The following GLIS3 variants were observed in gnomAD, a reference collection of about 807,000 sequenced individuals.
The protein encoded by GLIS3 is zinc finger protein GLIS3.
A neutral mutation model predicts 78.6 loss-of-function variants in GLIS3; 53 were observed. The ratio of observed to expected loss-of-function variants is 0.67; its 90% CI spans 0.54 to 0.85. The LOEUF (loss-of-function observed/expected upper bound fraction) is 0.85, where lower values mean the gene tolerates loss of function less well. GLIS3 is among the 40% of genes least tolerant of loss of function. The pLI, the probability that GLIS3 is intolerant of heterozygous loss-of-function variation, is 0.00. For missense variants in GLIS3, 1,703 were observed against 1,231.1 expected (o/e 1.38, Z -5.74); for synonymous variants, 684 against 509.9 (o/e 1.34, Z -4.60).
intron 2 of GLIS3, among the ~76,000 whole-genome samples, chr9:4,203,699 G>C (rs1471540331): frequency 6.6e-6 from 1 of 152,146 alleles, no homozygotes; most frequent in South Asian, 2.1e-4. Context: ...GACATGGAAT[G>C]AACCTAGGTG....
At chr9:4,465,501 ATCATGCCATTGCAC>A in the GLIS3 span, among the ~76,000 whole-genome samples, 753 of 152,356 alleles carry the variant, frequency 4.9e-3, 3 homozygotes, top group Middle Eastern at 0.024. Context: ...GTGAGCCAAG[ATCATGCCATTGCAC>A]TCCGGCCTGG....
At chr9:3,862,381 G>A (rs1387272419) in intron 8 of GLIS3, among the ~76,000 whole-genome samples, 2 of 152,150 alleles carry the variant, frequency 1.3e-5, no homozygotes, top group Non-Finnish European at 2.9e-5. Context: ...GTGTGCTTTG[G>A]TGAACTTGCT....
chr9:3,851,912 G>A (rs1819457847), intron 9 of GLIS3, among the ~76,000 whole-genome samples: 1 of 152,182 alleles, frequency 6.6e-6, no homozygotes, highest in Non-Finnish European at 1.5e-5. Flanking sequence ...GGAGGCCAAG[G>A]TGGGCAGATT....
At chr9:4,275,153 T>C (rs1280934975) in intron 2 of GLIS3, among the ~76,000 whole-genome samples, 1 of 152,162 alleles carries the variant, frequency 6.6e-6, no homozygotes, top group Non-Finnish European at 1.5e-5. Context: ...CTTATGCATA[T>C]ACCGATGTCA....
chr9:4,159,265 G>A (rs1334954303), intron 2 of GLIS3, among the ~76,000 whole-genome samples: 1 of 152,144 alleles, frequency 6.6e-6, no homozygotes, highest in Non-Finnish European at 1.5e-5. Flanking sequence ...GGTCATATGT[G>A]AAACACTGGA....
At chr9:4,157,195 G>A (rs1394243434) in intron 2 of GLIS3, among the ~76,000 whole-genome samples, 1 of 152,190 alleles carries the variant, frequency 6.6e-6, no homozygotes, top group Non-Finnish European at 1.5e-5. Flanking sequence ...GTAGAGGTAG[G>A]TGCCTGTGGC....
At chr9:4,232,833 C>G (rs1379272525) in intron 2 of GLIS3, among the ~76,000 whole-genome samples, 1 of 152,106 alleles carries the variant, frequency 6.6e-6, no homozygotes, top group East Asian at 1.9e-4. Flanking sequence ...TAATTGGCAC[C>G]AAGATCTAAA....
chr9:4,355,929 A>G, the GLIS3 span, among the ~76,000 whole-genome samples: 1 of 152,236 alleles, frequency 6.6e-6, no homozygotes, highest in Non-Finnish European at 1.5e-5. Flanking sequence ...TGCGTTTGGT[A>G]TGGTTACATA....
intron 2 of GLIS3, among the ~76,000 whole-genome samples, chr9:4,342,563 G>C (rs569768979): frequency 5.0e-4 from 76 of 152,292 alleles, no homozygotes; most frequent in African/African-American, 1.7e-3. Flanking sequence ...GCTTAGAATT[G>C]CTGTGGCTAT....
chr9:4,218,380 G>T (rs899778575), intron 2 of GLIS3, among the ~76,000 whole-genome samples: 3 of 152,184 alleles, frequency 2.0e-5, no homozygotes, highest in East Asian at 1.9e-4. Flanking sequence ...CCGGGTTCAC[G>T]CCATTCTCCT....
the GLIS3 span, among the ~76,000 whole-genome samples, chr9:4,447,232 G>C: frequency 1.3e-4 from 20 of 151,812 alleles, no homozygotes; most frequent in Admixed American, 3.9e-4. Flanking sequence ...ATTTTTTATA[G>C]AGACAGGGTC....
chr9:4,076,708 CT>C (rs1227171267), intron 4 of GLIS3, among the ~76,000 whole-genome samples: 1 of 152,136 alleles, frequency 6.6e-6, no homozygotes, highest in East Asian at 1.9e-4. Flanking sequence ...TGTGATGCCA[CT>C]TCATAGCCTG....
At chr9:4,031,638 CA>C (rs1823842163) in intron 4 of GLIS3, among the ~76,000 whole-genome samples, 1 of 152,152 alleles carries the variant, frequency 6.6e-6, no homozygotes, top group Admixed American at 6.6e-5. Context: ...TTATGCCATG[CA>C]CATTTCACTT....
intron 4 of GLIS3, among the ~76,000 whole-genome samples, chr9:3,958,936 A>G (rs984132194): frequency 2.0e-5 from 3 of 152,226 alleles, no homozygotes; most frequent in Non-Finnish European, 4.4e-5. Context: ...CTGGTTAACT[A>G]TGAGGTGAGA....
At chr9:4,077,282 G>A (rs1828158549) in intron 4 of GLIS3, among the ~76,000 whole-genome samples, 1 of 152,142 alleles carries the variant, frequency 6.6e-6, no homozygotes, top group African/African-American at 2.4e-5. Flanking sequence ...TGTTAATACA[G>A]AAAGTATGCA....
chr9:3,881,211 T>C (rs1821708759), intron 7 of GLIS3, among the ~76,000 whole-genome samples: 2 of 152,200 alleles, frequency 1.3e-5, no homozygotes, highest in Middle Eastern at 3.2e-3. Context: ...TGGTGTTTTA[T>C]ATACTATTCC....
intron 2 of GLIS3, among the ~76,000 whole-genome samples, chr9:4,132,373 T>G (rs1047425075): frequency 6.6e-6 from 1 of 152,196 alleles, no homozygotes; most frequent in East Asian, 1.9e-4. Context: ...TTAATTAATG[T>G]CTTCATTAGT....
intron 1 of GLIS3, among the ~76,000 whole-genome samples, chr9:4,293,199 T>C (rs1816177682): frequency 6.6e-6 from 1 of 152,206 alleles, no homozygotes; most frequent in African/African-American, 2.4e-5. Context: ...TTTGCAAGGC[T>C]AAAAAATCAC....
intron 4 of GLIS3, among the ~76,000 whole-genome samples, chr9:4,109,257 T>A (rs72687976): frequency 0.049 from 7,423 of 152,312 alleles, 271 homozygotes; most frequent in Middle Eastern, 0.088. Flanking sequence ...TACTTCACTC[T>A]CTTTACAGAT....
Sources: gnomAD v4.1 joint callset for allele counts (sites outside exome capture counted in the v4.1 genomes callset) on GRCh38, gnomAD v4.1.1 for gene constraint, MANE v1.5 for transcripts, NCBI Gene and HGNC (gene_info 2026-07-23, HGNC 2026-07-21) for gene names.